SLC25A36: variants seen among roughly 807,000 people sequenced by gnomAD.
SLC25A36 encodes epididymis secretory sperm binding protein.
SLC25A36 carries 24 observed loss-of-function variants against 35.3 expected under a neutral mutation model. The observed-to-expected ratio is 0.68, with a 90% CI of 0.49 to 0.96. SLC25A36 has a LOEUF of 0.96. Among genes scored for constraint, SLC25A36 ranks in the 40% least tolerant of loss-of-function variants. The probability of loss-of-function intolerance (pLI) is 0.00; values close to 1 mark genes in which losing one functional copy is unlikely to be tolerated. For synonymous variants in SLC25A36, 141 were observed against 132.2 expected (o/e 1.07, Z -0.46); for missense variants, 294 against 381.1 (o/e 0.77, Z 1.90).
At chr3:140,942,300 G>GGTGAGGCCCGGGCCCGAGGGCGAGAGA (rs1417610949) in intron 1 of SLC25A36, among the ~76,000 whole-genome samples, 1 of 151,398 alleles carries the variant, frequency 6.6e-6, no homozygotes, top group Non-Finnish European at 1.5e-5. Flanking sequence ...GAAGCAAGGG[G>GGTGAGGCCCGGGCCCGAGGGCGAGAGA]GTGAGGCCCG....
chr3:140,961,885 A>T (rs986062520), intron 3 of SLC25A36, among the ~76,000 whole-genome samples: 1 of 143,428 alleles, frequency 7.0e-6, no homozygotes, highest in Non-Finnish European at 1.5e-5. Context: ...AAAAAAAAAA[A>T]GGCATACTGG....
At chr3:140,952,531 A>G (rs1389532862) in intron 1 of SLC25A36, among the ~76,000 whole-genome samples, 2 of 152,198 alleles carry the variant, frequency 1.3e-5, no homozygotes, top group Non-Finnish European at 2.9e-5. Context: ...GCCACAAAAT[A>G]TTCATAAGAC....
chr3:140,967,826 A>C (rs1934801355), intron 4 of SLC25A36: 1 of 231,664 alleles, frequency 4.3e-6, no homozygotes, highest in Non-Finnish European at 7.1e-6. Context: ...ACTTTGCTTT[A>C]ACTGACTGTG....
intron 1 of SLC25A36, among the ~76,000 whole-genome samples, chr3:140,945,093 G>A (rs1442751140): frequency 6.6e-6 from 1 of 152,104 alleles, no homozygotes; most frequent in Non-Finnish European, 1.5e-5. Context: ...CTGAAGGCTG[G>A]GAAGTTCAAA....
intron 1 of SLC25A36, among the ~76,000 whole-genome samples, chr3:140,954,181 T>G (rs1019612054): frequency 4.6e-5 from 7 of 152,360 alleles, no homozygotes; most frequent in African/African-American, 1.7e-4. Flanking sequence ...AAGCCTTTTG[T>G]GCTTAGCTTT....
intron 4 of SLC25A36, chr3:140,963,974 C>T (rs1392103539): frequency 1.3e-5 from 2 of 151,936 alleles, no homozygotes; most frequent in South Asian, 2.1e-4. Flanking sequence ...GACAAAGCCA[C>T]GAACTTTGAT....
At position 140,976,627 on chromosome 3, in the gene SLC25A36, C is replaced by T. The variant is rs1324150486; in HGVS notation, c.*174C>T. The T allele has an allele frequency of 1.1e-5, 3 of 278,576 alleles. No homozygotes were observed. The highest frequency in any genetic ancestry group is 8.9e-5 in the Admixed American group (1 of 11,198). The allele number at this position is 278,576 out of a possible 1,614,324, so 17.3% of individuals were successfully genotyped here. A position where few individuals can be genotyped will look rare whatever the true frequency, so the allele number is the denominator to read the frequency against. On this transcript the variant is annotated 3_prime_UTR_variant, in exon 7 of 7. Transcript: ENST00000324194. ...AATCACACCACATTACTTGGCCTTTCGGTAATGTGAAAAAAAAAAAAAACC... is the reference window on the plus strand; with the variant it reads ...AATCACACCACATTACTTGGCCTTTTGGTAATGTGAAAAAAAAAAAAAACC...
intron 2 of SLC25A36, among the ~76,000 whole-genome samples, chr3:140,958,957 G>GTT (rs543256603): frequency 2.6e-5 from 3 of 115,788 alleles, no homozygotes; most frequent in Non-Finnish European, 5.3e-5. Context: ...AAAAAACAAT[G>GTT]TTTTGTGTGT....
chr3:140,971,087 G>T, intron 5 of SLC25A36, 94 bp downstream of exon 5: 1 of 608,960 alleles, frequency 1.6e-6, no homozygotes, highest in Non-Finnish European at 3.0e-6. Context: ...GAATTTGTTT[G>T]TTGTTGTAGT....
At chr3:140,944,618 C>T (rs1934113842) in intron 1 of SLC25A36, among the ~76,000 whole-genome samples, 1 of 152,152 alleles carries the variant, frequency 6.6e-6, no homozygotes, top group Non-Finnish European at 1.5e-5. Flanking sequence ...TCTACAGAGG[C>T]AGCTCATTTT....
chr3:140,952,570 T>C (rs1283101539), intron 1 of SLC25A36, among the ~76,000 whole-genome samples: 1 of 152,222 alleles, frequency 6.6e-6, no homozygotes, highest in Non-Finnish European at 1.5e-5. Context: ...TAGTTACCAT[T>C]ATCAGTAATG....
rs558440473 is a variant in SLC25A36 at position 140,973,580 on chromosome 3, A to G, written c.453-136A>G. 6 of 672,494 alleles carry G rather than the reference A, an allele frequency of 8.9e-6. No homozygotes were observed. The African/African-American group carries it at 1.1e-4, about 12-fold the overall frequency. The allele number at this position is 672,494 out of a possible 1,614,324, so 41.7% of individuals were successfully genotyped here. ...GGGACAAAAGAATAGGAAATCTAAA[A>G]TATGAATATTGTTTTAAAATTCTAA... On this transcript the variant is annotated intron_variant, in intron 5 of 6. Coordinates refer to ENST00000324194, the MANE Select transcript of SLC25A36 (RefSeq NM_001104647.3).
intron 1 of SLC25A36, among the ~76,000 whole-genome samples, chr3:140,949,125 C>T (rs1222350392): frequency 6.6e-6 from 1 of 151,892 alleles, no homozygotes; most frequent in African/African-American, 2.4e-5. Context: ...TGCCTAGCTT[C>T]AAAAACAAAA....
intron 6 of SLC25A36, among the ~76,000 whole-genome samples, chr3:140,974,925 G>T (rs1934997797): frequency 6.6e-6 from 1 of 151,956 alleles, no homozygotes; most frequent in Non-Finnish European, 1.5e-5. Flanking sequence ...TCTAAAAGAA[G>T]TCAAAATAGG....
At chr3:140,952,299 T>G (rs1934349549) in intron 1 of SLC25A36, among the ~76,000 whole-genome samples, 1 of 152,150 alleles carries the variant, frequency 6.6e-6, no homozygotes. Context: ...ATTACAGAAG[T>G]GAGCCACAAC....
In SLC25A36 at chr3:140,978,872, A is replaced by G. The variant is rs1935119055; in HGVS notation, c.*2419A>G. The G allele has an allele frequency of 6.6e-6, 1 of 152,106 alleles. No individual in the cohort carries two copies. The highest frequency in any genetic ancestry group is 6.6e-5 in the Admixed American group (1 of 15,262). The allele number at this position is 152,106 out of a possible 1,614,324, so 9.4% of individuals were successfully genotyped here. A position where few individuals can be genotyped will look rare whatever the true frequency, so the allele number is the denominator to read the frequency against. ...AGTTTGTCTCTGAAATATTTCTTTG[A>G]AGTTTTTAAAAAATCGACTCATGTT... On this transcript the variant is annotated 3_prime_UTR_variant, in exon 7 of 7. Coordinates refer to ENST00000324194, the MANE Select transcript of SLC25A36 (RefSeq NM_001104647.3).
chr3:140,972,686 A>T (rs1934936991), intron 5 of SLC25A36: 1 of 152,022 alleles, frequency 6.6e-6, no homozygotes, highest in Non-Finnish European at 1.5e-5. Flanking sequence ...ACCTTTCAGG[A>T]TTTGTATCTC....
At chr3:140,954,821 TAGA>T (rs1256496158) in intron 1 of SLC25A36, among the ~76,000 whole-genome samples, 1 of 152,142 alleles carries the variant, frequency 6.6e-6, no homozygotes, top group Non-Finnish European at 1.5e-5. Context: ...TCTTTCAGAG[TAGA>T]AGTTTTTAGT....
intron 1 of SLC25A36, among the ~76,000 whole-genome samples, chr3:140,943,236 G>C (rs1040957222): frequency 3.9e-5 from 6 of 152,132 alleles, no homozygotes; most frequent in Non-Finnish European, 7.3e-5. Context: ...TTTTTAGATC[G>C]ACTTTTAAGA....
Sources: allele counts gnomAD v4.1 joint callset (sites outside exome capture counted in the v4.1 genomes callset), GRCh38; gene constraint gnomAD v4.1.1; transcripts MANE v1.5; gene names NCBI Gene and HGNC (gene_info 2026-07-23, HGNC 2026-07-21).